Variants in XKR4 observed in about 807,000 individuals in gnomAD.
XKR4 encodes XK related 4, also known as XK-related protein 4.
XKR4 carries 12 observed loss-of-function variants against 53.9 expected under a neutral mutation model. The observed-to-expected ratio is 0.22, with a 90% CI of 0.14 to 0.36. XKR4 has a LOEUF of 0.36. Among genes scored for constraint, XKR4 ranks in the 10% least tolerant of loss-of-function variants. The pLI is 1.00. For missense variants in XKR4, 799 were observed against 859.5 expected (o/e 0.93, Z 0.88); for synonymous variants, 354 against 362.4 (o/e 0.98, Z 0.26).
intron 2 of XKR4, among the ~76,000 whole-genome samples, chr8:55,462,440 C>T (rs1805674790): frequency 6.6e-6 from 1 of 152,122 alleles, no homozygotes; most frequent in African/African-American, 2.4e-5. Flanking sequence ...ATTTTGTCAC[C>T]ACCAGGCCTG....
intron 2 of XKR4, among the ~76,000 whole-genome samples, chr8:55,478,596 C>T (rs1330294874): frequency 6.6e-6 from 1 of 152,166 alleles, no homozygotes; most frequent in Non-Finnish European, 1.5e-5. Context: ...TTAAAAGACA[C>T]AGACTGGCAA....
At chr8:55,177,656 C>T (rs935021961) in intron 1 of XKR4, among the ~76,000 whole-genome samples, 3 of 152,170 alleles carry the variant, frequency 2.0e-5, no homozygotes, top group Non-Finnish European at 4.4e-5. Flanking sequence ...TTTGTCATTC[C>T]TCGTAGGCAG....
intron 1 of XKR4, among the ~76,000 whole-genome samples, chr8:55,133,666 T>C (rs1816587055): frequency 6.6e-6 from 1 of 152,204 alleles, no homozygotes; most frequent in African/African-American, 2.4e-5. Flanking sequence ...ACAACAATAG[T>C]TTGCATAGGA....
intron 2 of XKR4, among the ~76,000 whole-genome samples, chr8:55,411,183 C>T (rs1190037913): frequency 6.6e-6 from 1 of 152,188 alleles, no homozygotes; most frequent in Non-Finnish European, 1.5e-5. Flanking sequence ...CAGAAGAACC[C>T]TGGGAACAAA....
intron 1 of XKR4, chr8:55,142,050 C>A: frequency 2.2e-6 from 1 of 455,384 alleles, no homozygotes; most frequent in African/African-American, 2.0e-5. Context: ...GCCCTGCCAC[C>A]CCCAACAGCC....
chr8:55,458,994 C>T (rs2939646), intron 2 of XKR4, among the ~76,000 whole-genome samples: 63,930 of 152,028 alleles, frequency 0.42, 13,893 homozygotes, highest in East Asian at 0.53. Flanking sequence ...GTACCTCCTA[C>T]TCATATCACA....
At position 55,519,765 on chromosome 8, in the gene XKR4, G is replaced by C. The variant is rs576191672; in HGVS notation, c.1007-3516G>C. Among the ~76,000 whole-genome samples the C allele has an allele frequency of 7.2e-5, 11 of 152,270 alleles. No individual in the cohort carries two copies. In the South Asian group the frequency reaches 1.0e-3, roughly 14 times the overall value. ...TTGATAACTTTATGTGGTTATGTAA[G>C]AGAATGCCCCTATTCATAGGAAATA... On this transcript the variant is annotated intron_variant, in intron 2 of 2. Transcript: ENST00000327381.
chr8:55,415,012 G>A (rs1189490914), intron 2 of XKR4, among the ~76,000 whole-genome samples: 1 of 152,222 alleles, frequency 6.6e-6, no homozygotes, highest in African/African-American at 2.4e-5. Context: ...AGACCTAGGT[G>A]TGCAGGATAG....
chr8:55,360,970 G>A (rs1803894912), intron 2 of XKR4, among the ~76,000 whole-genome samples: 1 of 152,186 alleles, frequency 6.6e-6, no homozygotes, highest in Admixed American at 6.5e-5. Flanking sequence ...GCACAGTTTG[G>A]CATCTGTTCA....
chr8:55,226,317 G>A (rs190117962), intron 1 of XKR4, among the ~76,000 whole-genome samples: 246 of 152,282 alleles, frequency 1.6e-3, no homozygotes, highest in African/African-American at 5.7e-3. Flanking sequence ...TTAATTCATG[G>A]AGGAAAGAAA....
intron 1 of XKR4, among the ~76,000 whole-genome samples, chr8:55,118,582 CA>C (rs1439580348): frequency 6.6e-6 from 1 of 152,180 alleles, no homozygotes; most frequent in Non-Finnish European, 1.5e-5. Context: ...GCATGCAATT[CA>C]AAATTTTCAG....
chr8:55,354,443 A>T (rs1369374863), intron 1 of XKR4, among the ~76,000 whole-genome samples: 1 of 152,182 alleles, frequency 6.6e-6, no homozygotes, highest in Non-Finnish European at 1.5e-5. Flanking sequence ...CAACCGCAAA[A>T]GATGAGAGAG....
chr8:55,492,617 C>T (rs1270689190), intron 2 of XKR4, among the ~76,000 whole-genome samples: 2 of 152,216 alleles, frequency 1.3e-5, no homozygotes, highest in African/African-American at 4.8e-5. Context: ...TGCCACTTGG[C>T]CCACATTCCT....
rs768381493 is a variant in XKR4, at chr8:55,102,520, TGAA to T, written c.36_38del (p.Lys13del). ...GCTAAATCAGACGGGAGGCTGAAAA[TGAA>T]GAAAAGCAGCGACGTGGCGTTCACC... is the stretch of plus-strand genomic sequence containing the variant. On this transcript the variant is annotated inframe_deletion, in exon 1 of 3. Coordinates refer to ENST00000327381, the MANE Select transcript of XKR4 (RefSeq NM_052898.2). The surrounding 1 kb of genome is among the most constrained non-coding windows in gnomAD (Gnocchi z 5.1). The T allele has an allele frequency of 1.9e-6, 3 of 1,547,944 alleles. No individual in the cohort carries two copies. The highest frequency in any genetic ancestry group is 1.8e-6 in the Non-Finnish European group (2 of 1,142,676).
intron 1 of XKR4, among the ~76,000 whole-genome samples, chr8:55,168,656 T>A (rs10089782): frequency 0.18 from 27,702 of 152,162 alleles, 3,098 homozygotes; most frequent in Middle Eastern, 0.34. Context: ...TTCTGAAGCC[T>A]ATCCAATGTA....
At chr8:55,523,195 TC>T (rs376349693) in intron 2 of XKR4, 85 bp from the exon 3 acceptor site, 3 of 1,226,846 alleles carry the variant, frequency 2.4e-6, no homozygotes, top group South Asian at 1.6e-5. Flanking sequence ...AAGCCAGCCT[TC>T]CCCAAGCCCC....
chr8:55,534,363 C>CGTTTTTTTTTTTTTTTTTTTTTTTTT lies in XKR4; in HGVS notation c.*10136_*10137insGTTTTTTTTTTTTTTTTTTTTTTTTT, dbSNP rs1418801179. 2.1e-5 allele frequency: 1 copy of CGTTTTTTTTTTTTTTTTTTTTTTTTT among 47,134 alleles called. No individual in the cohort carries two copies. The highest frequency in any genetic ancestry group is 3.8e-5 in the Non-Finnish European group (1 of 26,632). The allele number at this position is 47,134 out of a possible 1,614,324, so 2.9% of individuals were successfully genotyped here. On this transcript the variant is annotated 3_prime_UTR_variant, in exon 3 of 3. Transcript: ENST00000327381. Reference sequence around the variant, plus strand: ...GCTCAAAGATCACGAATCTGATATTCTTTTTTTTTTTTTTTTTTTTTTTTT... The same window carrying CGTTTTTTTTTTTTTTTTTTTTTTTTT: ...GCTCAAAGATCACGAATCTGATATTCGTTTTTTTTTTTTTTTTTTTTTTTTTTTTTTTTTTTTTTTTTTTTTTTTTT...
At chr8:55,242,735 G>A (rs1465420263) in intron 1 of XKR4, among the ~76,000 whole-genome samples, 1 of 152,100 alleles carries the variant, frequency 6.6e-6, no homozygotes, top group African/African-American at 2.4e-5. Context: ...AAGGCAGTTG[G>A]CAGGGAGCCG....
At chr8:55,461,370 G>A (rs1805655167) in intron 2 of XKR4, among the ~76,000 whole-genome samples, 1 of 152,214 alleles carries the variant, frequency 6.6e-6, no homozygotes, top group African/African-American at 2.4e-5. Context: ...ACAGGGTCTG[G>A]AGTGGACCTC....
Sources: allele counts gnomAD v4.1 joint callset (sites outside exome capture counted in the v4.1 genomes callset), GRCh38; gene constraint gnomAD v4.1.1; non-coding constraint Gnocchi (gnomAD v3.1); transcripts MANE v1.5; gene names NCBI Gene and HGNC (gene_info 2026-07-23, HGNC 2026-07-21).